LRCH1: variants seen among roughly 807,000 people sequenced by gnomAD.
LRCH1 encodes leucine-rich repeat and calponin homology domain-containing protein 1.
LRCH1 carries 23 observed loss-of-function variants against 94.9 expected under a neutral mutation model. That is an observed-to-expected ratio of 0.24 (90% confidence interval 0.17 to 0.34). The LOEUF (loss-of-function observed/expected upper bound fraction) is 0.34, where lower values mean the gene tolerates loss of function less well. LRCH1 is among the 10% of genes least tolerant of loss of function. The pLI is 1.00. For missense variants in LRCH1, 790 were observed against 945.9 expected, an observed-to-expected ratio of 0.84 and a Z score of 2.16; for synonymous variants, 364 against 354.9, an observed-to-expected ratio of 1.03 and a Z score of -0.29.
chr13:46,630,058 T>C (rs2051000002), intron 1 of LRCH1, among the ~76,000 whole-genome samples: 1 of 152,192 alleles, frequency 6.6e-6, no homozygotes, highest in African/African-American at 2.4e-5. Context: ...AGCTTGTGAG[T>C]CTAACAATTT....
chr13:46,590,730 C>A (rs2050489844), intron 1 of LRCH1, among the ~76,000 whole-genome samples: 1 of 152,136 alleles, frequency 6.6e-6, no homozygotes, highest in East Asian at 1.9e-4. Context: ...AAGGAATTTT[C>A]TGGATCCACA....
intron 1 of LRCH1, among the ~76,000 whole-genome samples, chr13:46,582,358 C>T (rs527297269): frequency 7.8e-6 from 1 of 129,000 alleles, no homozygotes; most frequent in Non-Finnish European, 1.6e-5. Context: ...GAAGAACAAC[C>T]GTTGCTCTCA....
At chr13:46,646,966 A>G (rs1341084439) in intron 1 of LRCH1, among the ~76,000 whole-genome samples, 1 of 152,054 alleles carries the variant, frequency 6.6e-6, no homozygotes, top group Admixed American at 6.5e-5. Context: ...TACAAAAATT[A>G]GCTGGACGTG....
intron 6 of LRCH1, 42 bp from the exon 7 acceptor site, chr13:46,689,091 A>G (rs1870765147): frequency 6.8e-7 from 1 of 1,469,342 alleles, no homozygotes; most frequent in African/African-American, 1.4e-5. Context: ...TGTGATTTTA[A>G]TCTTTTTTAA....
intron 1 of LRCH1, among the ~76,000 whole-genome samples, chr13:46,596,966 GACTTCCTATCTATT>G (rs983129430): frequency 1.1e-4 from 16 of 152,304 alleles, no homozygotes; most frequent in Middle Eastern, 3.4e-3. Flanking sequence ...GGTTTGAATA[GACTTCCTATCTATT>G]ACTCTAAGTT....
At chr13:46,594,957 G>A (rs1570622) in intron 1 of LRCH1, among the ~76,000 whole-genome samples, 124,395 of 152,132 alleles carry the variant, frequency 0.82, 51,011 homozygotes, top group East Asian at 0.91. Context: ...TCTCATAAAT[G>A]AACTTCATCT....
chr13:46,597,713 A>G (rs1429952601), intron 1 of LRCH1, among the ~76,000 whole-genome samples: 1 of 152,086 alleles, frequency 6.6e-6, no homozygotes, highest in African/African-American at 2.4e-5. Context: ...GGAAAAATAC[A>G]TGTGTTAGCT....
At chr13:46,570,110 C>T (rs569866013) in intron 1 of LRCH1, among the ~76,000 whole-genome samples, 64 of 152,294 alleles carry the variant, frequency 4.2e-4, no homozygotes, top group African/African-American at 1.5e-3. Flanking sequence ...TGGCTTCCCT[C>T]AGCTAACTCC....
In LRCH1 at chr13:46,743,280, G is replaced by A. The variant is rs1344646896; in HGVS notation, c.*1432G>A. ...CTTGAAAATATGGAAGACCCACATA[G>A]TTAGAAGAATATATTTATAAAGATT... On this transcript the variant is annotated 3_prime_UTR_variant, in exon 20 of 20. Coordinates refer to ENST00000389797, the MANE Select transcript of LRCH1 (RefSeq NM_001164211.2). 1 of 985,350 alleles carries A rather than the reference G, an allele frequency of 1.0e-6. No homozygotes were observed. Among genetic ancestry groups the A allele is most frequent in the Admixed American group, 6.1e-5 (1 of 16,268 alleles). The allele number at this position is 985,350 out of a possible 1,614,324, so 61.0% of individuals were successfully genotyped here. A position where few individuals can be genotyped will look rare whatever the true frequency, so the allele number is the denominator to read the frequency against.
chr13:46,616,643 T>G (rs1216994693), intron 1 of LRCH1, among the ~76,000 whole-genome samples: 1 of 152,284 alleles, frequency 6.6e-6, no homozygotes, highest in Non-Finnish European at 1.5e-5. Flanking sequence ...CTCTTATTTC[T>G]GCATGAAGGC....
chr13:46,574,985 A>G (rs146258721), intron 1 of LRCH1, among the ~76,000 whole-genome samples: 7 of 152,284 alleles, frequency 4.6e-5, no homozygotes, highest in African/African-American at 1.4e-4. Flanking sequence ...TGATGTATCT[A>G]TAAGCACATT....
rs2137883949 is a variant in LRCH1 at position 46,553,391 on chromosome 13, G to A, written c.-6G>A. 1.3e-6 allele frequency: 2 copies of A among 1,531,038 alleles called. No individual in the cohort carries two copies. Among genetic ancestry groups the A allele is most frequent in the South Asian group, 1.2e-5 (1 of 82,752 alleles). 94.8% of individuals were successfully genotyped at this position (1,531,038 alleles called of 1,614,324 possible). A position where few individuals can be genotyped will look rare whatever the true frequency, so the allele number is the denominator to read the frequency against. On this transcript the variant is annotated 5_prime_UTR_variant, in exon 1 of 20. Coordinates refer to ENST00000389797, the MANE Select transcript of LRCH1 (RefSeq NM_001164211.2). ...GGCGGGGCGGGGTGGGGGGGCCCGG[G>A]AGAAGATGGCGACGCCGGGAAGCGA...
intron 14 of LRCH1, among the ~76,000 whole-genome samples, chr13:46,712,242 C>G (rs1872101533): frequency 6.6e-6 from 1 of 151,936 alleles, no homozygotes; most frequent in Admixed American, 6.6e-5. Context: ...GTGCATGCAC[C>G]CATGCACACA....
At chr13:46,572,820 G>C (rs551383633) in intron 1 of LRCH1, among the ~76,000 whole-genome samples, 1 of 152,016 alleles carries the variant, frequency 6.6e-6, no homozygotes, top group Non-Finnish European at 1.5e-5. Context: ...ATTATCTAGT[G>C]TGAGTAAACT....
intron 1 of LRCH1, among the ~76,000 whole-genome samples, chr13:46,610,767 G>A (rs2050739628): frequency 6.6e-6 from 1 of 151,988 alleles, no homozygotes; most frequent in Admixed American, 6.6e-5. Flanking sequence ...CCATATTTTT[G>A]CAGTTGTGAA....
chr13:46,692,499 C>T, intron 7 of LRCH1, 37 bp from the exon 8 acceptor site: 3 of 1,407,690 alleles, frequency 2.1e-6, no homozygotes, highest in Non-Finnish European at 3.0e-6. Flanking sequence ...ATTGATAACA[C>T]TTCTCTTGAG....
chr13:46,567,811 T>C (rs1329536684), intron 1 of LRCH1, among the ~76,000 whole-genome samples: 1 of 152,198 alleles, frequency 6.6e-6, no homozygotes, highest in East Asian at 1.9e-4. Context: ...GGAATCAGTA[T>C]GTTAATGAAG....
chr13:46,701,849 G>C (rs1351276214), intron 11 of LRCH1, among the ~76,000 whole-genome samples: 1 of 152,160 alleles, frequency 6.6e-6, no homozygotes, highest in East Asian at 1.9e-4. Context: ...GATCTCTAGA[G>C]AACTAGAGGA....
At chr13:46,578,661 G>C (rs1195639594) in intron 1 of LRCH1, among the ~76,000 whole-genome samples, 1 of 152,176 alleles carries the variant, frequency 6.6e-6, no homozygotes, top group African/African-American at 2.4e-5. Flanking sequence ...GGACTCCCTT[G>C]AGAACTGAAA....
Sources: allele counts gnomAD v4.1 joint callset (sites outside exome capture counted in the v4.1 genomes callset), GRCh38; gene constraint gnomAD v4.1.1; transcripts MANE v1.5; gene names NCBI Gene and HGNC (gene_info 2026-07-23, HGNC 2026-07-21).